The following SMARCB1 variants were observed in gnomAD, a reference collection of about 807,000 sequenced individuals.
SMARCB1 encodes the protein SWI/SNF related BAF chromatin remodeling complex subunit B1.
In SMARCB1, 5 loss-of-function variants were observed where a neutral mutation model predicts 49.0. The ratio of observed to expected loss-of-function variants is 0.10; its 90% CI spans 0.05 to 0.21. SMARCB1 has a LOEUF of 0.21. SMARCB1 is among the 10% of genes least tolerant of loss of function. SMARCB1 has a pLI of 1.00. For synonymous variants in SMARCB1, 201 were observed against 200.1 expected, an observed-to-expected ratio of 1.00 and a Z score of -0.04; for missense variants, 226 against 509.2, an observed-to-expected ratio of 0.44 and a Z score of 5.35.
rs777433321 is a variant in SMARCB1 at position 23,836,858 on chromosome 22, C to G, written c.*2678C>G. The G allele has an allele frequency of 9.6e-5, 140 of 1,454,028 alleles. No homozygotes were observed. Among genetic ancestry groups the G allele is most frequent in the Middle Eastern group, 3.7e-4 (2 of 5,446 alleles). 90.1% of individuals were successfully genotyped at this position (1,454,028 alleles called of 1,614,324 possible). On this transcript the variant is annotated 3_prime_UTR_variant, in exon 9 of 9. Transcript: ENST00000644036. ...TGCCAGAAGCCTCTTAGGCCTGGCCCTGGGTGGGGGTCACTGCTGCGGGGG... is the reference window on the plus strand; with the variant it reads ...TGCCAGAAGCCTCTTAGGCCTGGCCGTGGGTGGGGGTCACTGCTGCGGGGG...
intron 7 of SMARCB1, among the ~76,000 whole-genome samples, chr22:23,832,514 C>A (rs1568962042): frequency 6.6e-6 from 1 of 151,976 alleles, no homozygotes; most frequent in Non-Finnish European, 1.5e-5. Context: ...GTGGAGGTGC[C>A]CAAGTGGAGG....
At chr22:23,831,200 A>G (rs2030638696) in intron 7 of SMARCB1, among the ~76,000 whole-genome samples, 1 of 152,120 alleles carries the variant, frequency 6.6e-6, no homozygotes, top group Non-Finnish European at 1.5e-5. Flanking sequence ...GTGGCTGTGG[A>G]CAGGTCATTT....
At chr22:23,815,140 T>C (rs1192543615) in intron 5 of SMARCB1, 1 of 152,212 alleles carries the variant, frequency 6.6e-6, no homozygotes, top group Non-Finnish European at 1.5e-5. Context: ...CATCAGATGC[T>C]GGCGAGGATG....
chr22:23,819,594 C>T (rs9612457), intron 6 of SMARCB1, among the ~76,000 whole-genome samples: 18,834 of 152,066 alleles, frequency 0.12, 1,258 homozygotes, highest in South Asian at 0.27. Context: ...CTGCCCACCT[C>T]GGCCTCCTAA....
In SMARCB1 at chr22:23,825,178, C is replaced by T. The variant is rs760635703; in HGVS notation, c.796-47C>T. ...GCAGGGCCCCGCTCCTCGCGGCCTC[C>T]CTGGGCTGCAAAAGCTCTAACTTGT... On this transcript the variant is annotated intron_variant, in intron 6 of 8. Transcript: ENST00000644036. 3 of 1,578,022 alleles carry T rather than the reference C, an allele frequency of 1.9e-6. 1 individual carries two copies. Among genetic ancestry groups the T allele is most frequent in the Admixed American group, 1.7e-5 (1 of 59,986 alleles).
rs755389173 is a variant in SMARCB1 at position 23,803,288 on chromosome 22, C to T, written c.501-7C>T. 1 of 1,614,172 alleles carries T rather than the reference C, an allele frequency of 6.2e-7. No homozygotes were observed. Among genetic ancestry groups the T allele is most frequent in the South Asian group, 1.1e-5 (1 of 91,092 alleles). On this transcript the variant is annotated splice_region_variant and splice_polypyrimidine_tract_variant and intron_variant, in intron 4 of 8. Transcript: ENST00000644036. Reference sequence around the variant, plus strand: ...CTCGCTGACTGTTGCTTCCATTTCACTTTCAGCTTTGATGACCATGACCCA... The same window carrying T: ...CTCGCTGACTGTTGCTTCCATTTCATTTTCAGCTTTGATGACCATGACCCA...
In SMARCB1 at chr22:23,790,899, T is replaced by C. The variant is rs1220773095; in HGVS notation, c.94-857T>C. 2.6e-5 allele frequency among the ~76,000 whole-genome samples: 4 copies of C among 152,252 alleles called. No homozygotes were observed. In the East Asian group the frequency reaches 7.7e-4, roughly 29 times the overall value. On this transcript the variant is annotated intron_variant, in intron 1 of 8. Coordinates refer to ENST00000644036, the MANE Select transcript of SMARCB1 (RefSeq NM_003073.5). ...ATTTAAAAATGCAAAATATATACTA[T>C]GTTGCGTAGATAAAATGGGAAACAT...
chr22:23,789,219 T>G (rs1352994310), intron 1 of SMARCB1, among the ~76,000 whole-genome samples: 1 of 152,222 alleles, frequency 6.6e-6, no homozygotes, highest in Non-Finnish European at 1.5e-5. Flanking sequence ...AAATTACAAC[T>G]GTTCAAAGAT....
intron 3 of SMARCB1, among the ~76,000 whole-genome samples, chr22:23,798,780 G>T (rs1479774949): frequency 6.6e-6 from 1 of 152,146 alleles, no homozygotes; most frequent in African/African-American, 2.4e-5. Flanking sequence ...GCCGGGCGCG[G>T]TGACTGACGC....
At chr22:23,789,072 A>G (rs1010306442) in intron 1 of SMARCB1, among the ~76,000 whole-genome samples, 7 of 152,224 alleles carry the variant, frequency 4.6e-5, no homozygotes, top group Admixed American at 3.9e-4. Flanking sequence ...CTGGTCTTAA[A>G]CTTGTGAGCT....
Position 23,836,157 on chromosome 22 carries a change from T to G in SMARCB1, c.*1977T>G. Reference sequence around the variant, plus strand: ...ACAGAACCTTCCAGAAGTCCCTGCCTCACCCAGTCTCAGAACTCTGCTAAG... The same window carrying G: ...ACAGAACCTTCCAGAAGTCCCTGCCGCACCCAGTCTCAGAACTCTGCTAAG... On this transcript the variant is annotated 3_prime_UTR_variant, in exon 9 of 9. Transcript: ENST00000644036. 1.0e-6 allele frequency: 1 copy of G among 985,446 alleles called. No individual in the cohort carries two copies. Among genetic ancestry groups the G allele is most frequent in the Non-Finnish European group, 1.2e-6 (1 of 829,932 alleles). 61.0% of individuals were successfully genotyped at this position (985,446 alleles called of 1,614,324 possible).
At chr22:23,787,322 GC>G in intron 1 of SMARCB1, 60 bp downstream of exon 1, 1 of 1,069,952 alleles carries the variant, frequency 9.3e-7, no homozygotes, top group Non-Finnish European at 1.4e-6. Flanking sequence ...CCCGGGGCGG[GC>G]CCATGCGCCG....
In SMARCB1 at chr22:23,791,885, A is replaced by G. The variant is rs2145960610; in HGVS notation, c.223A>G (p.Asn75Asp). Residue 75 changes from asparagine to aspartate, a missense_variant, in exon 2 of 9, where the codon AAC becomes GAC. By Grantham distance (23) the Asn-to-Asp change is conservative. This residue lies in a region of SMARCB1 where 128 missense variants were observed against 263.9 expected (regional missense o/e 0.49). Coordinates refer to ENST00000644036, the MANE Select transcript of SMARCB1 (RefSeq NM_003073.5). The stretch of plus-strand genomic sequence containing the variant: ...GTCACATGGTAAAAAAACAAAACCT[A>G]ACACTAAGGGTGCGTCTTCACGAGG... ...ASSHGKKTKPNTKDHGYTTLA... is the reference protein window; with the variant it reads ...ASSHGKKTKPDTKDHGYTTLA... 3 of 1,614,098 alleles carry G rather than the reference A, an allele frequency of 1.9e-6. No homozygotes were observed. Among genetic ancestry groups the G allele is most frequent in the Non-Finnish European group, 2.5e-6 (3 of 1,179,956 alleles).
Position 23,834,261 on chromosome 22 carries a change from G to A in SMARCB1, c.*81G>A, listed in dbSNP as rs2030849154. 6.9e-7 allele frequency: 1 copy of A among 1,450,062 alleles called. No homozygotes were observed. Among genetic ancestry groups the A allele is most frequent in the African/African-American group, 1.4e-5 (1 of 71,064 alleles). The allele number at this position is 1,450,062 out of a possible 1,614,324, so 89.8% of individuals were successfully genotyped here. On this transcript the variant is annotated 3_prime_UTR_variant, in exon 9 of 9. Coordinates refer to ENST00000644036, the MANE Select transcript of SMARCB1 (RefSeq NM_003073.5). The stretch of plus-strand genomic sequence containing the variant: ...CCTCCATCTTCTGGCAAGGACAGAG[G>A]CGAGGGGACAGCCCAGCGCCATCCT...
intron 6 of SMARCB1, among the ~76,000 whole-genome samples, chr22:23,822,957 CTTTTTTTTTTTT>C (rs58056758): frequency 2.8e-5 from 2 of 72,690 alleles, no homozygotes; most frequent in Non-Finnish European, 2.7e-5. Context: ...ACCAGCATAG[CTTTTTTTTTTTT>C]TTTTTTTTTT....
At chr22:23,831,034 T>G (rs1007734077) in intron 7 of SMARCB1, among the ~76,000 whole-genome samples, 24 of 152,210 alleles carry the variant, frequency 1.6e-4, no homozygotes, top group Non-Finnish European at 2.9e-4. Context: ...CAATCCAGAG[T>G]CATGTTGCCC....
chr22:23,802,718 T>C (rs964405464), intron 4 of SMARCB1: 4 of 196,414 alleles, frequency 2.0e-5, no homozygotes, highest in African/African-American at 2.3e-5. Flanking sequence ...CCTGCCGGAC[T>C]CTTCCCTCTT....
At chr22:23,829,949 T>TTTTCAAGGATTATCCATG (rs2030571801) in intron 7 of SMARCB1, among the ~76,000 whole-genome samples, 1 of 152,354 alleles carries the variant, frequency 6.6e-6, no homozygotes, top group South Asian at 2.1e-4. Flanking sequence ...TAGCATAATG[T>TTTTCAAGGATTATCCATG]TTTCAAGGAT....
rs935513512 is a variant in SMARCB1 at position 23,787,052 on chromosome 22, G to A, written c.-118G>A. On this transcript the variant is annotated 5_prime_UTR_variant, in exon 1 of 9. Transcript: ENST00000644036. ...AGCCCGGCTGAGGCGCCAGTACCCG[G>A]CCCGGTCCGCATTTCGCCTTCCGGC... 14 of 682,216 alleles carry A rather than the reference G, an allele frequency of 2.1e-5. No homozygotes were observed. The highest frequency in any genetic ancestry group is 3.5e-4 in the Middle Eastern group (1 of 2,864). The allele number at this position is 682,216 out of a possible 1,614,324, so 42.3% of individuals were successfully genotyped here. A position where few individuals can be genotyped will look rare whatever the true frequency, so the allele number is the denominator to read the frequency against.
Sources: allele counts gnomAD v4.1 joint callset (sites outside exome capture counted in the v4.1 genomes callset), GRCh38; gene constraint gnomAD v4.1.1; regional missense constraint gnomAD v4.1.1; transcripts MANE v1.5; gene names NCBI Gene and HGNC (gene_info 2026-07-23, HGNC 2026-07-21).